ATG7: variants seen among roughly 807,000 people sequenced by gnomAD.
ATG7 encodes autophagy related 7.
In ATG7, 70 loss-of-function variants were observed where a neutral mutation model predicts 82.4. That is an observed-to-expected ratio of 0.85 (90% CI 0.70 to 1.04). The LOEUF is 1.04. ATG7 is among the 50% of genes least tolerant of loss of function. The pLI is 0.00. For synonymous variants in ATG7, 287 were observed against 313.0 expected (o/e 0.92, Z 0.88); for missense variants, 792 against 864.3 (o/e 0.92, Z 1.05).
At chr3:11,422,721 T>C (rs1446485147) in intron 19 of ATG7, among the ~76,000 whole-genome samples, 1 of 146,530 alleles carries the variant, frequency 6.8e-6, no homozygotes, top group Non-Finnish European at 1.5e-5. Flanking sequence ...CCTTCCTCAC[T>C]ATGCTTAATC....
At chr3:11,550,051 A>G (rs987722360) in intron 20 of ATG7, among the ~76,000 whole-genome samples, 6 of 152,160 alleles carry the variant, frequency 3.9e-5, no homozygotes, top group African/African-American at 1.4e-4. Context: ...CTTTTCCCCA[A>G]AAATCAAGTT....
At chr3:11,563,393 G>A in the ATG7 span, among the ~76,000 whole-genome samples, 18 of 152,316 alleles carry the variant, frequency 1.2e-4, no homozygotes, top group East Asian at 1.7e-3. Flanking sequence ...TGCCCACCCC[G>A]GGGAGCAGTG....
At chr3:11,513,649 G>A (rs1161984975) in intron 20 of ATG7, among the ~76,000 whole-genome samples, 1 of 152,234 alleles carries the variant, frequency 6.6e-6, no homozygotes, top group African/African-American at 2.4e-5. Context: ...TGCAAGCTGA[G>A]GGAGCCAGCT....
intron 20 of ATG7, among the ~76,000 whole-genome samples, chr3:11,441,946 G>A (rs1030874851): frequency 6.6e-6 from 1 of 152,070 alleles, no homozygotes; most frequent in African/African-American, 2.4e-5. Flanking sequence ...GATTACAGGC[G>A]TGAGCCACCG....
intron 20 of ATG7, among the ~76,000 whole-genome samples, chr3:11,536,753 C>T (rs2070341774): frequency 6.6e-6 from 1 of 152,168 alleles, no homozygotes; most frequent in South Asian, 2.1e-4. Flanking sequence ...GGTCTGGTCA[C>T]CTACGATTCT....
intron 19 of ATG7, 47 bp from the exon 20 acceptor site, chr3:11,426,757 A>C: frequency 2.0e-6 from 3 of 1,485,160 alleles, no homozygotes; most frequent in Non-Finnish European, 2.7e-6. Context: ...TTTAATTTGC[A>C]TTTTAAGTCT....
At chr3:11,471,275 G>C (rs1367244974) in intron 20 of ATG7, among the ~76,000 whole-genome samples, 4 of 152,114 alleles carry the variant, frequency 2.6e-5, no homozygotes, top group African/African-American at 9.7e-5. Context: ...TGGCCCTGGC[G>C]CTCTGGACTC....
At chr3:11,564,509 GAA>G in the ATG7 span, among the ~76,000 whole-genome samples, 1 of 152,204 alleles carries the variant, frequency 6.6e-6, no homozygotes, top group Non-Finnish European at 1.5e-5. Flanking sequence ...ACTGGGAGAG[GAA>G]AGAGATGAAG....
chr3:11,567,667 C>T, the ATG7 span, among the ~76,000 whole-genome samples: 1 of 152,164 alleles, frequency 6.6e-6, no homozygotes, highest in Non-Finnish European at 1.5e-5. Flanking sequence ...TCCCAGACAC[C>T]GATGTCACCA....
At chr3:11,544,715 G>C (rs78377196) in intron 20 of ATG7, among the ~76,000 whole-genome samples, 1 of 152,250 alleles carries the variant, frequency 6.6e-6, no homozygotes, top group Non-Finnish European at 1.5e-5. Context: ...GCCCTTGACT[G>C]TGTGTGTCTC....
chr3:11,397,258 ATAAACT>A (rs1412230767), intron 19 of ATG7, among the ~76,000 whole-genome samples: 6 of 152,214 alleles, frequency 3.9e-5, no homozygotes, highest in Non-Finnish European at 5.9e-5. Flanking sequence ...TCAGTTGAAA[ATAAACT>A]TAAATACCAC....
intron 20 of ATG7, among the ~76,000 whole-genome samples, chr3:11,481,963 T>A (rs1164829904): frequency 6.6e-6 from 1 of 152,184 alleles, no homozygotes; most frequent in Admixed American, 6.5e-5. Context: ...AGGTGGTAAG[T>A]CAGTGTCATG....
chr3:11,431,246 A>G (rs1158934542), intron 20 of ATG7, among the ~76,000 whole-genome samples: 1 of 152,222 alleles, frequency 6.6e-6, no homozygotes, highest in African/African-American at 2.4e-5. Flanking sequence ...TACTAAAAAT[A>G]CAAAATTAGC....
intron 3 of ATG7, among the ~76,000 whole-genome samples, chr3:11,298,413 A>G (rs1445284272): frequency 1.3e-5 from 2 of 152,206 alleles, no homozygotes; most frequent in Non-Finnish European, 2.9e-5. Flanking sequence ...ATAGAGTTCC[A>G]GTTTTGCAAG....
chr3:11,549,461 A>G (rs2071577172), intron 20 of ATG7, among the ~76,000 whole-genome samples: 1 of 152,158 alleles, frequency 6.6e-6, no homozygotes, highest in South Asian at 2.1e-4. Flanking sequence ...TATTCATACT[A>G]CGTAACTGCC....
In ATG7 at chr3:11,313,297, T is replaced by G; in HGVS notation, c.412-7T>G. The stretch of plus-strand genomic sequence containing the variant: ...TTCTAATAACTTATTTATACTTTTT[T>G]TTCTAGGATCTAAAGAAGTACCACT... On this transcript the variant is annotated splice_region_variant and splice_polypyrimidine_tract_variant and intron_variant, in intron 7 of 20. Transcript: ENST00000693202. 6.4e-7 allele frequency: 1 copy of G among 1,561,290 alleles called. No individual in the cohort carries two copies. Among genetic ancestry groups the G allele is most frequent in the Non-Finnish European group, 8.8e-7 (1 of 1,139,654 alleles).
chr3:11,522,202 C>T (rs2092460323), intron 20 of ATG7, among the ~76,000 whole-genome samples: 2 of 152,156 alleles, frequency 1.3e-5, no homozygotes, highest in African/African-American at 2.4e-5. Context: ...AGTGCATTCA[C>T]CTCCTTTCAG....
chr3:11,283,763 C>G (rs1373076856), intron 3 of ATG7, among the ~76,000 whole-genome samples: 1 of 152,076 alleles, frequency 6.6e-6, no homozygotes, highest in Non-Finnish European at 1.5e-5. Context: ...CAAAGCAAAA[C>G]CCTACTAAAA....
intron 18 of ATG7, among the ~76,000 whole-genome samples, chr3:11,368,967 G>T (rs1394758524): frequency 6.6e-6 from 1 of 150,844 alleles, no homozygotes; most frequent in African/African-American, 2.5e-5. Context: ...TCAGCTTCAT[G>T]AATTCTTTTA....
Sources: allele counts gnomAD v4.1 joint callset (sites outside exome capture counted in the v4.1 genomes callset), GRCh38; gene constraint gnomAD v4.1.1; transcripts MANE v1.5; gene names NCBI Gene and HGNC (gene_info 2026-07-23, HGNC 2026-07-21).